The following LGSN variants were observed in gnomAD, a reference collection of about 807,000 sequenced individuals.
LGSN encodes the protein lengsin.
Under a neutral mutation model 19.5 loss-of-function variants are expected in LGSN, and 21 were observed. The ratio of observed to expected loss-of-function variants is 1.07; its 90% CI spans 0.76 to 1.55. The LOEUF (loss-of-function observed/expected upper bound fraction) is 1.55. Ranked by LOEUF, LGSN falls within the 40% of genes most tolerant of loss-of-function variation. LGSN has a pLI of 0.00. For missense variants in LGSN, 673 were observed against 608.5 expected, an observed-to-expected ratio of 1.11 and a Z score of -1.12; for synonymous variants, 257 against 215.6, an observed-to-expected ratio of 1.19 and a Z score of -1.68.
chr6:63,452,103 A>G, the LGSN span, among the ~76,000 whole-genome samples: 14 of 151,578 alleles, frequency 9.2e-5, no homozygotes, highest in Admixed American at 9.2e-4. Context: ...TGGTCCCATA[A>G]AGTGAGTTGG....
the LGSN span, among the ~76,000 whole-genome samples, chr6:63,479,336 G>T: frequency 6.6e-6 from 1 of 151,744 alleles, no homozygotes; most frequent in Non-Finnish European, 1.5e-5. Flanking sequence ...CTGGCCTATC[G>T]ATGAAAATAT....
chr6:63,563,735 A>G, the LGSN span, among the ~76,000 whole-genome samples: 1 of 152,172 alleles, frequency 6.6e-6, no homozygotes, highest in Non-Finnish European at 1.5e-5. Flanking sequence ...AGCCACAGCT[A>G]TGGATGTAGG....
At chr6:63,364,086 C>A in the LGSN span, among the ~76,000 whole-genome samples, 3 of 152,032 alleles carry the variant, frequency 2.0e-5, no homozygotes, top group African/African-American at 7.2e-5. Context: ...CAATATTAAC[C>A]TTAAATGTAA....
the LGSN span, among the ~76,000 whole-genome samples, chr6:63,355,243 T>A: frequency 6.6e-6 from 1 of 152,042 alleles, no homozygotes; most frequent in East Asian, 1.9e-4. Context: ...ATACAAATAT[T>A]ATGTATCAAT....
At chr6:63,480,977 A>G in the LGSN span, among the ~76,000 whole-genome samples, 2 of 43,982 alleles carry the variant, frequency 4.5e-5, no homozygotes, top group East Asian at 1.9e-3. Flanking sequence ...ATATATATAT[A>G]TATATATATA....
At chr6:63,528,810 G>A in the LGSN span, among the ~76,000 whole-genome samples, 1 of 151,852 alleles carries the variant, frequency 6.6e-6, no homozygotes, top group Non-Finnish European at 1.5e-5. Context: ...CCTCCACAGA[G>A]TATTTATACT....
upstream of LGSN, among the ~76,000 whole-genome samples, chr6:63,320,330 G>A (rs909610546): frequency 6.6e-6 from 1 of 152,134 alleles, no homozygotes; most frequent in Non-Finnish European, 1.5e-5. Flanking sequence ...AGACGACTAT[G>A]CTATCAAAGC....
the LGSN span, among the ~76,000 whole-genome samples, chr6:63,419,747 C>A: frequency 6.6e-6 from 1 of 150,572 alleles, no homozygotes; most frequent in African/African-American, 2.4e-5. Flanking sequence ...AATTAGCCGG[C>A]CGTGTTGGTG....
the LGSN span, among the ~76,000 whole-genome samples, chr6:63,359,908 T>C: frequency 6.6e-6 from 1 of 152,334 alleles, no homozygotes; most frequent in East Asian, 1.9e-4. Context: ...ATTTTATTTC[T>C]CCTTCACTTA....
At chr6:63,359,777 A>G in the LGSN span, among the ~76,000 whole-genome samples, 7 of 152,190 alleles carry the variant, frequency 4.6e-5, no homozygotes, top group African/African-American at 1.4e-4. Context: ...ATCTTTTCAA[A>G]AACCCAGTTC....
chr6:63,435,466 GT>G, the LGSN span, among the ~76,000 whole-genome samples: 1 of 152,154 alleles, frequency 6.6e-6, no homozygotes, highest in African/African-American at 2.4e-5. Context: ...GCTAAGTAAA[GT>G]TATAGAAAGA....
rs147959896 is a variant in LGSN, at chr6:63,280,928, T to C, written c.623A>G (p.Tyr208Cys). ...GGGCACACCAAAAATGCAAAAATCA[T>C]AGATGAAAGCAGAAAGCAGGGAAAA... ...SGFSLLSAFI[Y>C]DFCIFGVPEI... Residue 208 changes from tyrosine (Y) to cysteine (C), a missense_variant, in exon 4 of 4, where the codon TAT becomes TGT. Physicochemically the swap from Tyr to Cys is radical, Grantham distance 194 (BLOSUM62 -2). Coordinates refer to ENST00000370657, the MANE Select transcript of LGSN (RefSeq NM_016571.3). The C allele has an allele frequency of 1.0e-4, 169 of 1,613,884 alleles. No individual in the cohort carries two copies. Among genetic ancestry groups the C allele is most frequent in the Middle Eastern group, 1.6e-4 (1 of 6,084 alleles).
At chr6:63,454,059 G>A in the LGSN span, among the ~76,000 whole-genome samples, 1 of 152,138 alleles carries the variant, frequency 6.6e-6, no homozygotes, top group African/African-American at 2.4e-5. Context: ...ACTGCCCCTT[G>A]CTGCCTCTCC....
the LGSN span, among the ~76,000 whole-genome samples, chr6:63,373,062 C>T: frequency 1.3e-5 from 2 of 152,154 alleles, no homozygotes; most frequent in African/African-American, 4.8e-5. Context: ...ATAAAATAAT[C>T]TATCAAAGAA....
the LGSN span, among the ~76,000 whole-genome samples, chr6:63,373,433 G>A: frequency 6.6e-6 from 1 of 152,078 alleles, no homozygotes; most frequent in African/African-American, 2.4e-5. Context: ...ATAAATATCT[G>A]TGATTTTCCT....
At chr6:63,415,013 T>G in the LGSN span, among the ~76,000 whole-genome samples, 69 of 152,202 alleles carry the variant, frequency 4.5e-4, no homozygotes, top group Admixed American at 4.5e-3. Flanking sequence ...TAGTTCATTT[T>G]CATACTGCTA....
At chr6:63,416,820 G>A in the LGSN span, among the ~76,000 whole-genome samples, 1 of 151,518 alleles carries the variant, frequency 6.6e-6, no homozygotes, top group African/African-American at 2.4e-5. Flanking sequence ...TGCCCACCTC[G>A]GCCTCCCAAA....
At chr6:63,429,460 G>A in the LGSN span, among the ~76,000 whole-genome samples, 10,947 of 152,122 alleles carry the variant, frequency 0.072, 707 homozygotes, top group African/African-American at 0.17. Context: ...TCTGGGCCAG[G>A]TGTGGTGGCT....
chr6:63,280,235 G>A lies in LGSN; in HGVS notation c.1316C>T (p.Ala439Val), dbSNP rs1266591246. 34 of 1,614,080 alleles carry A rather than the reference G, an allele frequency of 2.1e-5. No homozygotes were observed. The highest frequency in any genetic ancestry group is 2.0e-4 in the Admixed American group (12 of 60,002). Residue 439 changes from alanine (A) to valine (V), a missense_variant, in exon 4 of 4, where the codon GCT (alanine) becomes GTT (valine). Coordinates refer to ENST00000370657, the MANE Select transcript of LGSN (RefSeq NM_016571.3). ...AAAGTCTGTGCTCTCATCTGGACCAGCCAAGACCTCATTACTGCTATGAAG... is the reference window on the plus strand; with the variant it reads ...AAAGTCTGTGCTCTCATCTGGACCAACCAAGACCTCATTACTGCTATGAAG... ...DGLHSSNEVL[A>V]GPDESTDFYQ...
Sources: gnomAD v4.1 joint callset for allele counts (sites outside exome capture counted in the v4.1 genomes callset) on GRCh38, gnomAD v4.1.1 for gene constraint, MANE v1.5 for transcripts, NCBI Gene and HGNC (gene_info 2026-07-23, HGNC 2026-07-21) for gene names.